The following MALRD1 variants were observed in gnomAD, a reference collection of about 807,000 sequenced individuals.
MALRD1 encodes the protein MAM and LDL-receptor class A domain-containing protein 1.
A neutral mutation model predicts 242.1 loss-of-function variants in MALRD1; 247 were observed. That is an observed-to-expected ratio of 1.02 (90% CI 0.92 to 1.13). MALRD1 has a LOEUF of 1.13. Among genes scored for constraint, MALRD1 ranks in the 50% most tolerant of loss-of-function variants. The pLI is 0.00. For synonymous variants in MALRD1, 995 were observed against 866.6 expected, an observed-to-expected ratio of 1.15 and a Z score of -2.60; for missense variants, 2,989 against 2,533.1, an observed-to-expected ratio of 1.18 and a Z score of -3.86.
intron 23 of MALRD1, among the ~76,000 whole-genome samples, chr10:19,328,023 T>G (rs1001124948): frequency 2.6e-5 from 4 of 152,154 alleles, no homozygotes; most frequent in Non-Finnish European, 5.9e-5. Flanking sequence ...AACCCTAATT[T>G]AAAAGATAGT....
chr10:19,098,348 A>G (rs1303908888), intron 4 of MALRD1, among the ~76,000 whole-genome samples: 1 of 152,192 alleles, frequency 6.6e-6, no homozygotes, highest in East Asian at 1.9e-4. Context: ...TTGATATTTC[A>G]TCGAGAAATG....
In MALRD1 at chr10:19,124,551, A is replaced by C; in HGVS notation, c.824A>C (p.Asp275Ala). 8.1e-7 allele frequency: 1 copy of C among 1,233,826 alleles called. No homozygotes were observed. Among genetic ancestry groups the C allele is most frequent in the South Asian group, 4.1e-5 (1 of 24,410 alleles). 76.4% of individuals were successfully genotyped at this position (1,233,826 alleles called of 1,614,324 possible). The change falls in exon 7 of 40, where the codon GAC (aspartate) becomes GCC (alanine). Residue 275 changes from aspartate (D) to alanine (A), a missense_variant. Transcript: ENST00000454679. ...RLCQACGFEF[D>A]MCEWTSEASA... ...TGTCAGGCCTGTGGGTTTGAATTTG[A>C]CATGTGTGAGTGGACGTCAGAAGCA...
chr10:19,053,478 T>C lies in MALRD1; in HGVS notation c.199+4341T>C, dbSNP rs192554015. ...TGGTGTGGACAGCAGATCCCCGAAA[T>C]TGGCGGGCTTGACCTCCTGGCAAAT... On this transcript the variant is annotated intron_variant, in intron 1 of 39. Coordinates refer to ENST00000454679, the MANE Select transcript of MALRD1 (RefSeq NM_001142308.3). Among the ~76,000 whole-genome samples the C allele has an allele frequency of 2.9e-3, 441 of 152,248 alleles. 8 individuals carry two copies. Among genetic ancestry groups the C allele is most frequent in the East Asian group, 2.9e-3 (15 of 5,176 alleles).
intron 33 of MALRD1, among the ~76,000 whole-genome samples, chr10:19,587,300 C>A (rs1371402968): frequency 6.6e-6 from 1 of 152,202 alleles, no homozygotes; most frequent in Non-Finnish European, 1.5e-5. Flanking sequence ...CTGCCAGAGA[C>A]AGTTACCCAT....
At chr10:19,378,576 G>A (rs1040576499) in intron 26 of MALRD1, among the ~76,000 whole-genome samples, 1 of 152,008 alleles carries the variant, frequency 6.6e-6, no homozygotes, top group Admixed American at 6.6e-5. Context: ...TTTTGTTTAT[G>A]TCTTTTTCTG....
intron 36 of MALRD1, among the ~76,000 whole-genome samples, chr10:19,621,442 A>G (rs1041922773): frequency 6.6e-6 from 1 of 151,516 alleles, no homozygotes; most frequent in South Asian, 2.1e-4. Flanking sequence ...GAAAAAATGA[A>G]ATTGAAAAAG....
chr10:19,502,535 A>T (rs1172328060), intron 31 of MALRD1, among the ~76,000 whole-genome samples: 4 of 152,168 alleles, frequency 2.6e-5, no homozygotes, highest in Non-Finnish European at 1.5e-5. Context: ...TATTTTCTCC[A>T]TTATGATAAA....
At chr10:19,087,805 G>GT (rs5783650) in intron 2 of MALRD1, 35 bp from the exon 3 acceptor site, 329,778 of 1,065,242 alleles carry the variant, frequency 0.31, 39,712 homozygotes, top group East Asian at 0.36. Flanking sequence ...ATTCTTTCTG[G>GT]TTTTTTTTTG....
chr10:19,048,371 C>T (rs935493181), upstream of MALRD1, among the ~76,000 whole-genome samples: 1 of 152,078 alleles, frequency 6.6e-6, no homozygotes, highest in Non-Finnish European at 1.5e-5. Context: ...GACAGACAAA[C>T]AAACAAAAGA....
chr10:19,664,645 C>T lies in MALRD1; in HGVS notation c.6138-27637C>T, dbSNP rs572338624. Among the ~76,000 whole-genome samples the T allele has an allele frequency of 1.7e-4, 26 of 151,914 alleles. No homozygotes were observed. The South Asian group carries it at 5.0e-3, about 29-fold the overall frequency. On this transcript the variant is annotated intron_variant, in intron 36 of 39. Coordinates refer to ENST00000454679, the MANE Select transcript of MALRD1 (RefSeq NM_001142308.3). ...GGAAAAAGATGTAACTCCTGTATTA[C>T]TGATACAGTTTTTAAATTTGTATTG...
intron 26 of MALRD1, among the ~76,000 whole-genome samples, chr10:19,374,133 A>G (rs534871931): frequency 3.3e-5 from 5 of 152,334 alleles, no homozygotes; most frequent in African/African-American, 1.2e-4. Context: ...AACGTTTTCA[A>G]TGACTTAGTC....
chr10:19,482,478 C>T (rs1773982776), intron 29 of MALRD1, among the ~76,000 whole-genome samples: 1 of 151,916 alleles, frequency 6.6e-6, no homozygotes, highest in Non-Finnish European at 1.5e-5. Flanking sequence ...GGTAAGAAGT[C>T]AAACTATCTC....
intron 32 of MALRD1, among the ~76,000 whole-genome samples, chr10:19,566,158 T>G (rs183552478): frequency 6.6e-6 from 1 of 152,170 alleles, no homozygotes; most frequent in African/African-American, 2.4e-5. Context: ...AGACACAGTC[T>G]CCCTCTGTTG....
chr10:19,107,394 A>AT (rs1836501305), intron 5 of MALRD1, among the ~76,000 whole-genome samples: 1 of 151,652 alleles, frequency 6.6e-6, no homozygotes, highest in Non-Finnish European at 1.5e-5. Context: ...ATCATTATCC[A>AT]TTTTTTCAGT....
intron 18 of MALRD1, among the ~76,000 whole-genome samples, chr10:19,211,490 C>G (rs556095755): frequency 6.6e-6 from 1 of 151,506 alleles, no homozygotes; most frequent in Non-Finnish European, 1.5e-5. Context: ...GTCAGGAGAT[C>G]AAGACCAGCC....
intron 12 of MALRD1, among the ~76,000 whole-genome samples, chr10:19,156,175 C>T (rs1834135889): frequency 1.3e-5 from 2 of 152,222 alleles, no homozygotes; most frequent in South Asian, 2.1e-4. Flanking sequence ...CATATTATTC[C>T]GAGGTATAAA....
intron 14 of MALRD1, among the ~76,000 whole-genome samples, chr10:19,198,567 C>T (rs1171288865): frequency 1.3e-5 from 2 of 152,050 alleles, no homozygotes; most frequent in Non-Finnish European, 2.9e-5. Flanking sequence ...TTTAAATATC[C>T]TTGAAAGGAT....
At chr10:19,269,754 G>A (rs1332839726) in intron 19 of MALRD1, among the ~76,000 whole-genome samples, 3 of 152,156 alleles carry the variant, frequency 2.0e-5, no homozygotes, top group Non-Finnish European at 4.4e-5. Flanking sequence ...GACTTACTTG[G>A]TTTGTAAAAT....
chr10:19,444,562 T>G (rs2131005534), intron 28 of MALRD1, among the ~76,000 whole-genome samples: 1 of 152,312 alleles, frequency 6.6e-6, no homozygotes, highest in Admixed American at 6.5e-5. Context: ...CTCTTTCACT[T>G]ATGAAGCTTA....
Sources: allele counts gnomAD v4.1 joint callset (sites outside exome capture counted in the v4.1 genomes callset), GRCh38; gene constraint gnomAD v4.1.1; transcripts MANE v1.5; gene names NCBI Gene and HGNC (gene_info 2026-07-23, HGNC 2026-07-21).